METTL6: variants seen among roughly 807,000 people sequenced by gnomAD.
The protein encoded by METTL6 is tRNA N(3)-cytidine methyltransferase METTL6.
In METTL6, 22 loss-of-function variants were observed where a neutral mutation model predicts 26.4. That is an observed-to-expected ratio of 0.83 (90% CI 0.59 to 1.19). METTL6 has a LOEUF of 1.19. Ranked by LOEUF, METTL6 falls within the 50% of genes most tolerant of loss-of-function variation. The pLI, the probability that METTL6 is intolerant of heterozygous loss-of-function variation, is 0.00. For synonymous variants in METTL6, 109 were observed against 116.2 expected (o/e 0.94, Z 0.40); for missense variants, 304 against 324.8 (o/e 0.94, Z 0.49).
rs151025654 is a variant in METTL6, at chr3:15,396,364, C to T, written c.*12-12177G>A. Among the ~76,000 whole-genome samples the T allele has an allele frequency of 5.8e-3, 876 of 152,262 alleles. 12 individuals are homozygous for T. The highest frequency in any genetic ancestry group is 0.019 in the African/African-American group (793 of 41,534). On this transcript the variant is annotated intron_variant, in intron 6 of 6. Transcript: ENST00000443029. ...ATCAGGTCATTTAAGGGCTTCTCTACGCTGGTTATTCTAGTTAGCCATTCG... is the reference window on the plus strand; with the variant it reads ...ATCAGGTCATTTAAGGGCTTCTCTATGCTGGTTATTCTAGTTAGCCATTCG...
intron 6 of METTL6, chr3:15,384,596 G>C (rs1699144634): frequency 6.5e-6 from 1 of 154,258 alleles, no homozygotes; most frequent in Admixed American, 6.5e-5. Context: ...AAAATTAGTT[G>C]GGTGTGATGG....
chr3:15,386,104 G>A (rs776356035), intron 6 of METTL6, among the ~76,000 whole-genome samples: 2 of 152,172 alleles, frequency 1.3e-5, no homozygotes, highest in Non-Finnish European at 2.9e-5. Flanking sequence ...CTACATATGG[G>A]GTGGATTATT....
At chr3:15,397,102 C>G (rs1003575014) in intron 6 of METTL6, among the ~76,000 whole-genome samples, 3 of 152,190 alleles carry the variant, frequency 2.0e-5, no homozygotes, top group African/African-American at 7.2e-5. Context: ...CAGAGGCAGG[C>G]AGGCCTCCTT....
intron 6 of METTL6, among the ~76,000 whole-genome samples, chr3:15,395,740 T>C (rs1284423777): frequency 3.3e-5 from 5 of 152,214 alleles, no homozygotes; most frequent in African/African-American, 1.2e-4. Flanking sequence ...ATTTTATTTC[T>C]CCTTCACTTA....
chr3:15,397,789 G>A (rs891154164), intron 6 of METTL6, among the ~76,000 whole-genome samples: 9 of 152,134 alleles, frequency 5.9e-5, no homozygotes, highest in Non-Finnish European at 1.2e-4. Context: ...AAACATAAAC[G>A]ATTGCCAGCC....
chr3:15,390,732 C>T (rs1699321478), intron 6 of METTL6, among the ~76,000 whole-genome samples: 1 of 152,226 alleles, frequency 6.6e-6, no homozygotes, highest in African/African-American at 2.4e-5. Flanking sequence ...AGCTAAGTGC[C>T]AACCAGCTCA....
intron 5 of METTL6, among the ~76,000 whole-genome samples, chr3:15,412,195 C>T (rs779902729): frequency 8.5e-5 from 13 of 152,198 alleles, no homozygotes; most frequent in Non-Finnish European, 1.5e-4. Flanking sequence ...CATCCTAACA[C>T]GAAGGAGGAA....
intron 6 of METTL6, among the ~76,000 whole-genome samples, chr3:15,387,171 GAGAC>G (rs1699222717): frequency 6.6e-6 from 1 of 152,144 alleles, no homozygotes; most frequent in South Asian, 2.1e-4. Context: ...TTATTTTAGA[GAGAC>G]AGTTTAACAA....
At chr3:15,390,557 C>T (rs968363333) in intron 6 of METTL6, among the ~76,000 whole-genome samples, 2 of 152,172 alleles carry the variant, frequency 1.3e-5, no homozygotes, top group African/African-American at 2.4e-5. Flanking sequence ...TCGGCCACCT[C>T]GTGCTCAAAC....
At chr3:15,413,062 T>C (rs974347730) in intron 5 of METTL6, among the ~76,000 whole-genome samples, 1 of 152,110 alleles carries the variant, frequency 6.6e-6, no homozygotes, top group Non-Finnish European at 1.5e-5. Flanking sequence ...CTGGCCAACA[T>C]GGCAAAACCG....
At chr3:15,415,049 A>G in intron 4 of METTL6, 29 of 918,990 alleles carry the variant, frequency 3.2e-5, no homozygotes, top group Non-Finnish European at 4.0e-5. Context: ...TAAAAAAACA[A>G]ACAAACAAAC....
At chr3:15,401,797 T>C (rs1453857774) in intron 6 of METTL6, among the ~76,000 whole-genome samples, 1 of 152,160 alleles carries the variant, frequency 6.6e-6, no homozygotes, top group Admixed American at 6.5e-5. Context: ...GGAGAAACCC[T>C]TAGTTCTAGG....
chr3:15,415,909 C>T lies in METTL6; in HGVS notation c.394G>A (p.Val132Ile), dbSNP rs372239066. 3.5e-5 allele frequency: 56 copies of T among 1,613,144 alleles called. 1 individual carries two copies. The African/African-American group carries it at 5.5e-4, about 16-fold the overall frequency. ...TCTTTAGTCAGATCACACTGGAATA[C>T]CTTGCATCTTTCTGTATCATATAAA... ...NPLYDTERCK[V>I]FQCDLTKDDL... Residue 132 changes from valine to isoleucine, a missense_variant, in exon 4 of 6, where the codon GTA (valine) becomes ATA (isoleucine). Transcript: ENST00000383790.
At chr3:15,417,943 G>A (rs1459172372) in intron 3 of METTL6, among the ~76,000 whole-genome samples, 1 of 152,106 alleles carries the variant, frequency 6.6e-6, no homozygotes, top group Non-Finnish European at 1.5e-5. Context: ...AGACTCTTTG[G>A]GAAACGGTAC....
chr3:15,415,490 C>T (rs889402948), intron 4 of METTL6: 2 of 1,587,752 alleles, frequency 1.3e-6, no homozygotes, highest in Non-Finnish European at 1.7e-6. Flanking sequence ...AACCATAACT[C>T]CTCTCACCTT....
chr3:15,403,148 T>C (rs1003664996), intron 6 of METTL6, among the ~76,000 whole-genome samples: 1 of 152,164 alleles, frequency 6.6e-6, no homozygotes, highest in Admixed American at 6.5e-5. Flanking sequence ...GACTGGCTTT[T>C]AAAATTTTTT....
intron 3 of METTL6, 65 bp downstream of exon 3, chr3:15,424,890 A>G: frequency 6.2e-7 from 1 of 1,603,112 alleles, no homozygotes; most frequent in Non-Finnish European, 8.5e-7. Context: ...TGAATAAAAA[A>G]GGCAGATCAA....
chr3:15,394,412 C>A (rs796374768), intron 6 of METTL6, among the ~76,000 whole-genome samples: 3,033 of 151,742 alleles, frequency 0.02, 82 homozygotes, highest in African/African-American at 0.067. Flanking sequence ...GTCTTGCTAG[C>A]GGTCTATCAA....
chr3:15,395,791 A>G (rs2124915793), intron 6 of METTL6, among the ~76,000 whole-genome samples: 1 of 152,266 alleles, frequency 6.6e-6, no homozygotes, highest in Admixed American at 6.5e-5. Context: ...TGGGTTGAAA[A>G]TTCTTTTCTT....
Sources: allele counts gnomAD v4.1 joint callset (sites outside exome capture counted in the v4.1 genomes callset), GRCh38; gene constraint gnomAD v4.1.1; transcripts MANE v1.5; gene names NCBI Gene and HGNC (gene_info 2026-07-23, HGNC 2026-07-21).